ALK: variants seen among roughly 807,000 people sequenced by gnomAD.
ALK encodes ALK receptor tyrosine kinase.
ALK carries 74 observed loss-of-function variants against 163.1 expected under a neutral mutation model. That is an observed-to-expected ratio of 0.45 (90% CI 0.38 to 0.55). ALK has a LOEUF of 0.55. Among genes scored for constraint, ALK ranks in the 20% least tolerant of loss-of-function variants. The pLI is 0.00. For synonymous variants in ALK, 960 were observed against 843.2 expected, an observed-to-expected ratio of 1.14 and a Z score of -2.40; for missense variants, 2,063 against 2,105.3, an observed-to-expected ratio of 0.98 and a Z score of 0.39.
intron 4 of ALK, among the ~76,000 whole-genome samples, chr2:29,385,205 A>G (rs2148302847): frequency 6.6e-6 from 1 of 152,184 alleles, no homozygotes; most frequent in East Asian, 1.9e-4. Context: ...TTTCCATTAA[A>G]TAAATTTTTT....
chr2:29,884,714 T>C (rs1341451029), intron 1 of ALK, among the ~76,000 whole-genome samples: 4 of 152,232 alleles, frequency 2.6e-5, no homozygotes, highest in African/African-American at 4.8e-5. Context: ...AAGGATGGTT[T>C]GATAATTTTA....
chr2:29,842,224 A>G (rs1665719515), intron 1 of ALK, among the ~76,000 whole-genome samples: 1 of 152,172 alleles, frequency 6.6e-6, no homozygotes, highest in South Asian at 2.1e-4. Flanking sequence ...GAAAAAATAT[A>G]TATTATATCT....
At chr2:29,669,872 C>CA (rs34668767) in intron 3 of ALK, among the ~76,000 whole-genome samples, 2 of 151,030 alleles carry the variant, frequency 1.3e-5, no homozygotes, top group East Asian at 2.0e-4. Flanking sequence ...AAAACAAAGG[C>CA]AAAAAAAAAC....
At chr2:29,485,070 G>A (rs547444651) in intron 4 of ALK, among the ~76,000 whole-genome samples, 1 of 151,900 alleles carries the variant, frequency 6.6e-6, no homozygotes, top group Non-Finnish European at 1.5e-5. Context: ...AAATAATTCT[G>A]CCCTTCTTCG....
At chr2:29,237,604 T>A (rs998679963) in intron 13 of ALK, among the ~76,000 whole-genome samples, 3 of 152,178 alleles carry the variant, frequency 2.0e-5, no homozygotes, top group Non-Finnish European at 4.4e-5. Flanking sequence ...CACCAATATA[T>A]CCCAAGTTCC....
chr2:29,268,654 G>C (rs181237664), intron 11 of ALK, among the ~76,000 whole-genome samples: 56 of 152,282 alleles, frequency 3.7e-4, no homozygotes, highest in African/African-American at 1.3e-3. Flanking sequence ...TGAATCTCCC[G>C]AGTGGAAAGA....
At position 29,672,446 on chromosome 2, in the gene ALK, G is replaced by A. The variant is rs553235935; in HGVS notation, c.952+22404C>T. Among the ~76,000 whole-genome samples the A allele has an allele frequency of 1.6e-4, 24 of 150,122 alleles. No individual in the cohort carries two copies. The South Asian group carries it at 3.8e-3, about 24-fold the overall frequency. ...GCGGTGTTTGGTTTTTTGTTCTTGCGATAGTTTACTGAGAATGATGATTTC... is the reference window on the plus strand; with the variant it reads ...GCGGTGTTTGGTTTTTTGTTCTTGCAATAGTTTACTGAGAATGATGATTTC... On this transcript the variant is annotated intron_variant, in intron 3 of 28. Coordinates refer to ENST00000389048, the MANE Select transcript of ALK (RefSeq NM_004304.5).
chr2:29,698,580 G>A (rs1320252391), intron 2 of ALK, among the ~76,000 whole-genome samples: 1 of 152,212 alleles, frequency 6.6e-6, no homozygotes, highest in Non-Finnish European at 1.5e-5. Flanking sequence ...CATGCCAACT[G>A]TCTGAGTTGT....
At chr2:29,478,391 C>A (rs1348076462) in intron 4 of ALK, among the ~76,000 whole-genome samples, 1 of 152,242 alleles carries the variant, frequency 6.6e-6, no homozygotes, top group Non-Finnish European at 1.5e-5. Flanking sequence ...CTGCCATGAG[C>A]CACACAAGCC....
intron 1 of ALK, among the ~76,000 whole-genome samples, chr2:29,746,606 C>G (rs17008597): frequency 0.063 from 9,597 of 152,226 alleles, 795 homozygotes; most frequent in African/African-American, 0.19. Flanking sequence ...CAGCATTTCC[C>G]TTAGTTGTGG....
At chr2:29,750,665 A>G (rs1354294893) in intron 1 of ALK, among the ~76,000 whole-genome samples, 3 of 130,068 alleles carry the variant, frequency 2.3e-5, no homozygotes, top group African/African-American at 8.4e-5. Context: ...GGAAGGAAGG[A>G]AGGAAGGAAG....
intron 1 of ALK, among the ~76,000 whole-genome samples, chr2:29,837,468 T>C (rs1003847476): frequency 2.6e-5 from 4 of 152,092 alleles, no homozygotes; most frequent in African/African-American, 9.7e-5. Flanking sequence ...GCCAGGAAAA[T>C]ATCTACTAGA....
At chr2:29,828,197 C>G (rs1178840461) in intron 1 of ALK, among the ~76,000 whole-genome samples, 1 of 152,160 alleles carries the variant, frequency 6.6e-6, no homozygotes, top group Non-Finnish European at 1.5e-5. Flanking sequence ...AATGTTAGAC[C>G]TAAATCCATA....
intron 3 of ALK, among the ~76,000 whole-genome samples, chr2:29,614,538 C>T (rs868486615): frequency 2.0e-5 from 3 of 152,184 alleles, no homozygotes; most frequent in East Asian, 1.9e-4. Flanking sequence ...ATCTGGAGAC[C>T]GACAAGAATT....
chr2:29,570,151 C>T (rs887694281), intron 3 of ALK, among the ~76,000 whole-genome samples: 4 of 152,138 alleles, frequency 2.6e-5, no homozygotes, highest in African/African-American at 7.2e-5. Context: ...ATTAGACTCT[C>T]TAGGGCATGC....
chr2:29,767,200 G>A (rs1243157028), intron 1 of ALK, among the ~76,000 whole-genome samples: 1 of 152,174 alleles, frequency 6.6e-6, no homozygotes, highest in Non-Finnish European at 1.5e-5. Flanking sequence ...GTGTTCATTA[G>A]TAAGAAGATC....
chr2:29,281,685 A>G, intron 9 of ALK, among the ~76,000 whole-genome samples: 1 of 152,172 alleles, frequency 6.6e-6, no homozygotes. Flanking sequence ...CTTCTCATTC[A>G]GCTCTACAGA....
chr2:29,284,952 G>A (rs1304430422), intron 9 of ALK, among the ~76,000 whole-genome samples: 2 of 152,176 alleles, frequency 1.3e-5, no homozygotes, highest in African/African-American at 4.8e-5. Context: ...GATGGACAGT[G>A]AATATATTGC....
At position 29,193,566 on chromosome 2, in the gene ALK, G is replaced by A. The variant is rs566993546; in HGVS notation, c.4521C>T (p.Tyr1507=). 9 of 1,614,214 alleles carry A rather than the reference G, an allele frequency of 5.6e-6. No individual in the cohort carries two copies. The highest frequency in any genetic ancestry group is 1.7e-4 in the Middle Eastern group (1 of 6,060). ...TGGGTTTCTCTGTAAACCAGGAGCC[G>A]TACGTTGGGTTCCACAAGCTGGTGG... is the stretch of plus-strand genomic sequence containing the variant. ...NKPTSLWNPT[Y]GSWFTEKPTK... The change falls in exon 29 of 29, where the codon TAC becomes TAT. Residue 1507 remains tyrosine (Y), a synonymous_variant. Coordinates refer to ENST00000389048, the MANE Select transcript of ALK (RefSeq NM_004304.5).
Sources: allele counts gnomAD v4.1 joint callset (sites outside exome capture counted in the v4.1 genomes callset), GRCh38; gene constraint gnomAD v4.1.1; transcripts MANE v1.5; gene names NCBI Gene and HGNC (gene_info 2026-07-23, HGNC 2026-07-21).